The following ZNF17 variants were observed in gnomAD, a reference collection of about 807,000 sequenced individuals.
ZNF17 encodes the protein zinc finger protein 17.
In ZNF17, 4 loss-of-function variants were observed where a neutral mutation model predicts 7.7. That is an observed-to-expected ratio of 0.52 (90% CI 0.26 to 1.20). The LOEUF (loss-of-function observed/expected upper bound fraction) is 1.20, where lower values mean the gene tolerates loss of function less well. ZNF17 is among the 50% of genes most tolerant of loss of function. The pLI is 0.14. For synonymous variants in ZNF17, 249 were observed against 258.8 expected (o/e 0.96, Z 0.36); for missense variants, 738 against 799.5 (o/e 0.92, Z 0.93).
intron 3 of ZNF17, among the ~76,000 whole-genome samples, chr19:57,418,872 TC>T (rs2088828494): frequency 7.7e-6 from 1 of 129,334 alleles, no homozygotes; most frequent in African/African-American, 3.6e-5. Flanking sequence ...TCTCACCTGT[TC>T]CCGTTTTTTG....
Position 57,411,313 on chromosome 19 carries a change from G to A in ZNF17, c.-114G>A. 1 of 1,570,774 alleles carries A rather than the reference G, an allele frequency of 6.4e-7. No individual in the cohort carries two copies. The highest frequency in any genetic ancestry group is 8.6e-7 in the Non-Finnish European group (1 of 1,157,798). On this transcript the variant is annotated 5_prime_UTR_variant, in exon 1 of 4. Transcript: ENST00000307658. The stretch of plus-strand genomic sequence containing the variant: ...AGGCTCGGTTGAATCGGTTGCAGGC[G>A]TTGGTGCCTCTGTCAGCGTCCAGGT...
intron 1 of ZNF17, 27 bp downstream of exon 1, chr19:57,411,433 G>A: frequency 6.2e-7 from 1 of 1,607,732 alleles, no homozygotes. Context: ...AGGGCGCCCC[G>A]CCCGATCCCT....
In ZNF17 at chr19:57,417,913, A is replaced by G. The variant is rs1600094793; in HGVS notation, c.23A>G (p.Asp8Gly). 1 of 1,613,272 alleles carries G rather than the reference A, an allele frequency of 6.2e-7. No homozygotes were observed. Among genetic ancestry groups the G allele is most frequent in the Non-Finnish European group, 8.5e-7 (1 of 1,179,782 alleles). MLMDAGQ[D>G]YMVFEDVAIH... is the part of the protein sequence containing the mutation. ...ACTAAACTGTTATAATTTTGGCAGG[A>G]TTATATGGTTTTTGAGGACGTGGCC... The change falls in exon 3 of 4, where the codon GAT becomes GGT. Residue 8 changes from aspartate to glycine, a missense_variant and splice_region_variant. Asp to Gly is a moderately conservative substitution (Grantham distance 94, BLOSUM62 -1). Transcript: ENST00000307658.
At chr19:57,419,519 C>T (rs2088833089) in intron 3 of ZNF17, 116 bp from the exon 4 acceptor site, 1 of 1,152,772 alleles carries the variant, frequency 8.7e-7, no homozygotes, top group East Asian at 2.5e-5. Context: ...CTTTAATGTC[C>T]CATGCCTGTC....
chr19:57,414,652 T>C lies in ZNF17; in HGVS notation c.21+1016T>C, dbSNP rs1015006785. 4.0e-5 allele frequency among the ~76,000 whole-genome samples: 6 copies of C among 151,368 alleles called. No homozygotes were observed. The East Asian group carries it at 1.2e-3, about 29-fold the overall frequency. On this transcript the variant is annotated intron_variant, in intron 2 of 3. Coordinates refer to ENST00000307658, the MANE Select transcript of ZNF17 (RefSeq NM_001330617.2). ...GCCCAGTGGTTCTAGGTCTTTAATC[T>C]GAGGGGGGTAGTAGCTAGGGAAGGT... is the stretch of plus-strand genomic sequence containing the variant.
chr19:57,419,603 C>T (rs762254085), intron 3 of ZNF17, 32 bp from the exon 4 acceptor site: 1 of 1,580,776 alleles, frequency 6.3e-7, no homozygotes, highest in Admixed American at 1.7e-5. Context: ...CCTCCAAAGT[C>T]ATCATGCACT....
At chr19:57,412,475 C>T (rs746101830) in intron 1 of ZNF17, among the ~76,000 whole-genome samples, 4 of 150,122 alleles carry the variant, frequency 2.7e-5, no homozygotes, top group Non-Finnish European at 5.9e-5. Flanking sequence ...GACAGAGTCT[C>T]GCTCCATCGC....
rs751949892 is a variant in ZNF17, at chr19:57,420,594, A to G, written c.1108A>G (p.Met370Val). The G allele has an allele frequency of 1.9e-6, 3 of 1,614,168 alleles. No homozygotes were observed. Among genetic ancestry groups the G allele is most frequent in the South Asian group, 2.2e-5 (2 of 91,088 alleles). Residue 370 changes from methionine (M) to valine (V), a missense_variant, in exon 4 of 4, where the codon ATG becomes GTG. Around this residue, in one of 3 missense-constraint regions of ZNF17, gnomAD observed 616 missense variants for 663.9 expected, o/e 0.93. Transcript: ENST00000307658. ...FYCCECGKFF[M>V]DSCTLIIHQR... ...TTGCTGTGAATGTGGGAAATTCTTT[A>G]TGGACAGCTGCACACTCATTATTCA...
At position 57,421,159 on chromosome 19, in the gene ZNF17, G is replaced by A; in HGVS notation, c.1673G>A (p.Cys558Tyr). The A allele has an allele frequency of 6.2e-7, 1 of 1,614,126 alleles. No homozygotes were observed. Among genetic ancestry groups the A allele is most frequent in the Middle Eastern group, 1.6e-4 (1 of 6,062 alleles). Residue 558 changes from cysteine to tyrosine, a missense_variant, in exon 4 of 4, where the codon TGC becomes TAC. Transcript: ENST00000307658. ...RNHFGERSFE[C>Y]TECGRVFSQN... ...CACTTTGGAGAAAGGTCTTTTGAGTGCACTGAGTGTGGGAGAGTTTTTAGC... is the reference window on the plus strand; with the variant it reads ...CACTTTGGAGAAAGGTCTTTTGAGTACACTGAGTGTGGGAGAGTTTTTAGC...
intron 2 of ZNF17, 83 bp downstream of exon 2, chr19:57,413,719 G>A: frequency 6.7e-7 from 1 of 1,491,870 alleles, no homozygotes; most frequent in Non-Finnish European, 9.0e-7. Flanking sequence ...TCCTGAGACT[G>A]TTCACCTTTT....
intron 2 of ZNF17, among the ~76,000 whole-genome samples, chr19:57,415,107 G>GC (rs145751710): frequency 1.3e-5 from 2 of 152,212 alleles, no homozygotes; most frequent in East Asian, 3.9e-4. Flanking sequence ...GATAATTCCT[G>GC]CCACAGTCCA....
chr19:57,411,305 T>C lies in ZNF17; in HGVS notation c.-122T>C. On this transcript the variant is annotated 5_prime_UTR_variant, in exon 1 of 4. Coordinates refer to ENST00000307658, the MANE Select transcript of ZNF17 (RefSeq NM_001330617.2). ...CTAGAGTGAGGCTCGGTTGAATCGGTTGCAGGCGTTGGTGCCTCTGTCAGC... is the reference window on the plus strand; with the variant it reads ...CTAGAGTGAGGCTCGGTTGAATCGGCTGCAGGCGTTGGTGCCTCTGTCAGC... 4 of 1,553,554 alleles carry C rather than the reference T, an allele frequency of 2.6e-6. No individual in the cohort carries two copies. The highest frequency in any genetic ancestry group is 3.5e-6 in the Non-Finnish European group (4 of 1,146,794).
Position 57,417,931 on chromosome 19 carries a change from A to G in ZNF17, c.41A>G (p.Asp14Gly). 1 of 1,613,850 alleles carries G rather than the reference A, an allele frequency of 6.2e-7. No homozygotes were observed. The highest frequency in any genetic ancestry group is 8.5e-7 in the Non-Finnish European group (1 of 1,179,986). The change falls in exon 3 of 4, where the codon GAC (aspartate) becomes GGC (glycine). Residue 14 changes from aspartate to glycine, a missense_variant. Asp to Gly is a moderately conservative substitution (Grantham distance 94). Around this residue, in one of 3 missense-constraint regions of ZNF17, gnomAD observed 616 missense variants for 663.9 expected, o/e 0.93. Coordinates refer to ENST00000307658, the MANE Select transcript of ZNF17 (RefSeq NM_001330617.2). ...TGGCAGGATTATATGGTTTTTGAGG[A>G]CGTGGCCATACATTTCTCCCAGGAG... ...DAGQDYMVFEDVAIHFSQEEW... is the reference protein window; with the variant it reads ...DAGQDYMVFEGVAIHFSQEEW...
chr19:57,421,199 C>T lies in ZNF17; in HGVS notation c.1713C>T (p.Leu571=), dbSNP rs368612690. ...GAGTTTTTAGCCAAAATTCCCACCT[C>T]ATTCGGCACCAAAAAGTTCACACTA... is the stretch of plus-strand genomic sequence containing the variant. ...CGRVFSQNSH[L]IRHQKVHTRE... The change falls in exon 4 of 4, where the codon CTC becomes CTT. Residue 571 remains leucine, a synonymous_variant. Coordinates refer to ENST00000307658, the MANE Select transcript of ZNF17 (RefSeq NM_001330617.2). 6.2e-6 allele frequency: 10 copies of T among 1,614,030 alleles called. No homozygotes were observed. In the African/African-American group the frequency reaches 1.2e-4, roughly 19 times the overall value.
chr19:57,419,403 G>C (rs2088832272), intron 3 of ZNF17: 2 of 440,032 alleles, frequency 4.5e-6, no homozygotes, highest in Admixed American at 3.7e-5. Flanking sequence ...CTCCACTTCT[G>C]TGCTCTGCAC....
intron 3 of ZNF17, among the ~76,000 whole-genome samples, chr19:57,418,772 G>A (rs950921835): frequency 6.6e-6 from 1 of 152,086 alleles, no homozygotes; most frequent in South Asian, 2.1e-4. Flanking sequence ...TGGCCACACC[G>A]CATGTCTCTC....
Position 57,420,448 on chromosome 19 carries a change from G to GT in ZNF17, c.963dup (p.His322SerfsTer15). The GT allele has an allele frequency of 6.2e-7, 1 of 1,613,766 alleles. No homozygotes were observed. Among genetic ancestry groups the GT allele is most frequent in the Non-Finnish European group, 8.5e-7 (1 of 1,179,962 alleles). On this transcript the variant is annotated frameshift_variant, in exon 4 of 4. Coordinates refer to ENST00000307658, the MANE Select transcript of ZNF17 (RefSeq NM_001330617.2). LOFTEE classifies it low-confidence loss of function (END_TRUNC). The stretch of plus-strand genomic sequence containing the variant: ...TTCCTTACACAGGCTCACCTTGTTG[G>GT]TCACCAGAAAATTCATACTGGAGAA...
In ZNF17 at chr19:57,411,291, C is replaced by T. The variant is rs1312444294; in HGVS notation, c.-136C>T. ...CCGTTGTACAGAGGCTAGAGTGAGGCTCGGTTGAATCGGTTGCAGGCGTTG... is the reference window on the plus strand; with the variant it reads ...CCGTTGTACAGAGGCTAGAGTGAGGTTCGGTTGAATCGGTTGCAGGCGTTG... On this transcript the variant is annotated 5_prime_UTR_variant, in exon 1 of 4. Transcript: ENST00000307658. 2 of 1,514,406 alleles carry T rather than the reference C, an allele frequency of 1.3e-6. No homozygotes were observed. Among genetic ancestry groups the T allele is most frequent in the Non-Finnish European group, 1.8e-6 (2 of 1,118,250 alleles). 93.8% of individuals were successfully genotyped at this position (1,514,406 alleles called of 1,614,324 possible).
rs2088848836 is a variant in ZNF17, at chr19:57,421,170, G to A, written c.1684G>A (p.Gly562Arg). The A allele has an allele frequency of 1.9e-6, 3 of 1,614,130 alleles. No homozygotes were observed. The highest frequency in any genetic ancestry group is 4.5e-5 in the East Asian group (2 of 44,874). The stretch of plus-strand genomic sequence containing the variant: ...AAGGTCTTTTGAGTGCACTGAGTGT[G>A]GGAGAGTTTTTAGCCAAAATTCCCA... ...GERSFECTEC[G>R]RVFSQNSHLI... The change falls in exon 4 of 4, where the codon GGG (glycine) becomes AGG (arginine). Residue 562 changes from glycine (G) to arginine (R), a missense_variant. Gly to Arg is a moderately radical substitution (Grantham distance 125, BLOSUM62 -2). Around this residue, in one of 3 missense-constraint regions of ZNF17, gnomAD observed 6 missense variants for 21.5 expected, o/e 0.28. Transcript: ENST00000307658.
Sources: gnomAD v4.1 joint callset for allele counts (sites outside exome capture counted in the v4.1 genomes callset) on GRCh38, gnomAD v4.1.1 for gene constraint, gnomAD v4.1.1 regional missense constraint, MANE v1.5 for transcripts, NCBI Gene and HGNC (gene_info 2026-07-23, HGNC 2026-07-21) for gene names.